The following BCL9 variants were observed in gnomAD, a reference collection of about 807,000 sequenced individuals.
BCL9 encodes B-cell CLL/lymphoma 9 protein.
A neutral mutation model predicts 88.5 loss-of-function variants in BCL9; 25 were observed. The ratio of observed to expected loss-of-function variants is 0.28; its 90% CI spans 0.21 to 0.39. BCL9 has a LOEUF of 0.39. BCL9 is among the 10% of genes least tolerant of loss of function. BCL9 has a pLI of 1.00. For synonymous variants in BCL9, 711 were observed against 673.3 expected, an observed-to-expected ratio of 1.06 and a Z score of -0.87; for missense variants, 1,817 against 1,877.8, an observed-to-expected ratio of 0.97 and a Z score of 0.60.
intron 2 of BCL9, among the ~76,000 whole-genome samples, chr1:147,605,612 C>T (rs1213887818): frequency 6.6e-6 from 1 of 152,210 alleles, no homozygotes; most frequent in Non-Finnish European, 1.5e-5. Context: ...CTAAAATGTA[C>T]ATTAATATTT....
chr1:147,614,526 C>T lies in BCL9; in HGVS notation c.470C>T (p.Ser157Phe). The T allele has an allele frequency of 6.2e-7, 1 of 1,614,102 alleles. No homozygotes were observed. Among genetic ancestry groups the T allele is most frequent in the Non-Finnish European group, 8.5e-7 (1 of 1,180,004 alleles). Residue 157 changes from serine (S) to phenylalanine (F), a missense_variant, in exon 6 of 10, where the codon TCC becomes TTC. Coordinates refer to ENST00000234739, the MANE Select transcript of BCL9 (RefSeq NM_004326.4). ...NATAPRSSTPSHGQTTATEPT... is the reference protein window; with the variant it reads ...NATAPRSSTPFHGQTTATEPT... ...ACAGCCCCCAGGTCTTCTACCCCCT[C>T]CCATGGCCAAACTACTGCCACAGAG... is the stretch of plus-strand genomic sequence containing the variant.
In BCL9 at chr1:147,619,452, C is replaced by G. The variant is rs782462515; in HGVS notation, c.1297C>G (p.Gln433Glu). Reference sequence around the variant, plus strand: ...AGACGTGGGAGCTCCATTTGGCCCTCAAGGACATAGAGATGTACCCTTTTC... The same window carrying G: ...AGACGTGGGAGCTCCATTTGGCCCTGAAGGACATAGAGATGTACCCTTTTC... ...RTDVGAPFGP[Q>E]GHRDVPFSPD... Residue 433 changes from glutamine to glutamate, a missense_variant, in exon 8 of 10, where the codon CAA (glutamine) becomes GAA (glutamate). Gln to Glu is a conservative substitution (Grantham distance 29). This residue lies in a region of BCL9 where 1,228 missense variants were observed against 1,191.6 expected (regional missense o/e 1.03). Transcript: ENST00000234739. The surrounding 1 kb of genome is among the most constrained non-coding windows in gnomAD (Gnocchi z 4.1). 1.2e-6 allele frequency: 2 copies of G among 1,614,150 alleles called. No homozygotes were observed. Among genetic ancestry groups the G allele is most frequent in the South Asian group, 1.1e-5 (1 of 91,078 alleles).
At chr1:147,568,628 G>A (rs1484511910) in intron 1 of BCL9, among the ~76,000 whole-genome samples, 1 of 151,916 alleles carries the variant, frequency 6.6e-6, no homozygotes, top group African/African-American at 2.4e-5. Context: ...TAGGAGAGCT[G>A]ATTCAAGAGG....
chr1:147,623,789 T>A, intron 9 of BCL9, 53 bp from the exon 10 acceptor site: 1 of 1,539,258 alleles, frequency 6.5e-7, no homozygotes, highest in Non-Finnish European at 8.8e-7. Context: ...ATTATAGTTT[T>A]TCTGAGTTGA....
intron 1 of BCL9, among the ~76,000 whole-genome samples, chr1:147,562,951 C>T (rs1206282640): frequency 7.2e-5 from 11 of 152,152 alleles, no homozygotes; most frequent in African/African-American, 2.2e-4. Flanking sequence ...TCTCTTAAAA[C>T]GCTCTCCTTT....
At chr1:147,607,281 C>G (rs1379377056) in intron 3 of BCL9, among the ~76,000 whole-genome samples, 1 of 152,158 alleles carries the variant, frequency 6.6e-6, no homozygotes, top group Non-Finnish European at 1.5e-5. Flanking sequence ...GTAAATAATG[C>G]TGCAGTGAAC....
chr1:147,556,919 G>A (rs1363852234), intron 1 of BCL9, among the ~76,000 whole-genome samples: 4 of 152,108 alleles, frequency 2.6e-5, no homozygotes, highest in Admixed American at 2.6e-4. Context: ...AGCAGTGATG[G>A]GTATACAGTG....
At chr1:147,598,000 A>T (rs1459755148) in intron 1 of BCL9, among the ~76,000 whole-genome samples, 1 of 152,190 alleles carries the variant, frequency 6.6e-6, no homozygotes, top group Non-Finnish European at 1.5e-5. Context: ...AGCAGAGGTG[A>T]TCTGGTCTGG....
intron 1 of BCL9, among the ~76,000 whole-genome samples, chr1:147,561,607 G>T (rs1157271544): frequency 2.6e-5 from 4 of 152,118 alleles, no homozygotes. Flanking sequence ...ATTCTTCAAC[G>T]AATATTTATC....
chr1:147,597,969 G>C (rs1657126117), intron 1 of BCL9, among the ~76,000 whole-genome samples: 1 of 152,192 alleles, frequency 6.6e-6, no homozygotes, highest in African/African-American at 2.4e-5. Flanking sequence ...TTGTTTTAAT[G>C]AGTTTGTTTT....
chr1:147,622,430 C>T lies in BCL9; in HGVS notation c.3062C>T (p.Ser1021Phe), dbSNP rs587741667. 1.9e-6 allele frequency: 3 copies of T among 1,614,166 alleles called. No individual in the cohort carries two copies. Among genetic ancestry groups the T allele is most frequent in the South Asian group, 2.2e-5 (2 of 91,076 alleles). The change falls in exon 9 of 10, where the codon TCC (serine) becomes TTC (phenylalanine). Residue 1021 changes from serine (S) to phenylalanine (F), a missense_variant. Coordinates refer to ENST00000234739, the MANE Select transcript of BCL9 (RefSeq NM_004326.4). ...ATGTCCAAGTTTGCAATGCCCAGTT[C>T]CACCCCGTTATACCATGATGCTATC... is the stretch of plus-strand genomic sequence containing the variant. ...SRMSKFAMPS[S>F]TPLYHDAIKT...
In BCL9 at chr1:147,548,191, G is replaced by A. The variant is rs1445338758; in HGVS notation, c.-478+6517G>A. Among the ~76,000 whole-genome samples the A allele has an allele frequency of 2.0e-5, 3 of 152,228 alleles. No individual in the cohort carries two copies. The East Asian group carries it at 5.8e-4, about 29-fold the overall frequency. ...GGGCTTGTGTAGTTAGTATATGTTT[G>A]AGGAGAGAAATTTTGCTGGGGGTCT... On this transcript the variant is annotated intron_variant, in intron 1 of 9. Coordinates refer to ENST00000234739, the MANE Select transcript of BCL9 (RefSeq NM_004326.4).
chr1:147,559,628 G>C (rs1553195836), intron 1 of BCL9, among the ~76,000 whole-genome samples: 2 of 152,202 alleles, frequency 1.3e-5, no homozygotes, highest in East Asian at 3.9e-4. Flanking sequence ...GAAATGCAGA[G>C]ATGGTATTTT....
intron 1 of BCL9, among the ~76,000 whole-genome samples, chr1:147,587,040 A>C (rs1407760680): frequency 6.5e-5 from 6 of 92,686 alleles, no homozygotes; most frequent in African/African-American, 2.7e-4. Flanking sequence ...CTCTCTCTAT[A>C]TATGTATATA....
chr1:147,596,948 T>TAGCTGGCTG (rs1657083082), intron 1 of BCL9, among the ~76,000 whole-genome samples: 1 of 152,182 alleles, frequency 6.6e-6, no homozygotes, highest in Non-Finnish European at 1.5e-5. Flanking sequence ...ACCCTGATAC[T>TAGCTGGCTG]AGCTGGCTGA....
intron 1 of BCL9, among the ~76,000 whole-genome samples, chr1:147,555,696 C>A (rs1389803040): frequency 2.6e-5 from 4 of 152,184 alleles, no homozygotes; most frequent in African/African-American, 9.7e-5. Flanking sequence ...TGAAGCTTTC[C>A]CAATCATTTT....
At chr1:147,600,808 A>G (rs1187444830) in intron 1 of BCL9, among the ~76,000 whole-genome samples, 1 of 151,792 alleles carries the variant, frequency 6.6e-6, no homozygotes, top group Non-Finnish European at 1.5e-5. Context: ...GGTGGAAGCT[A>G]GGAAGAATGT....
chr1:147,573,138 A>G (rs1570842693), intron 1 of BCL9, among the ~76,000 whole-genome samples: 2 of 152,188 alleles, frequency 1.3e-5, no homozygotes, highest in Non-Finnish European at 2.9e-5. Context: ...AAGACTTAAT[A>G]ATTGATGAAT....
chr1:147,573,863 T>C lies in BCL9; in HGVS notation c.-477-30914T>C, dbSNP rs114404916. On this transcript the variant is annotated intron_variant, in intron 1 of 9. Coordinates refer to ENST00000234739, the MANE Select transcript of BCL9 (RefSeq NM_004326.4). ...AACTAGGTTTCCTAACTCTCAGTCA[T>C]GTGTTTTTTTCCCACTGTCACTGCA... Among the ~76,000 whole-genome samples, 209 of 152,268 alleles carry C rather than the reference T, an allele frequency of 1.4e-3. 1 individual carries two copies. Among genetic ancestry groups the C allele is most frequent in the African/African-American group, 5.0e-3 (206 of 41,546 alleles).
Sources: gnomAD v4.1 joint callset for allele counts (sites outside exome capture counted in the v4.1 genomes callset) on GRCh38, gnomAD v4.1.1 for gene constraint, gnomAD v4.1.1 regional missense constraint, Gnocchi (gnomAD v3.1) non-coding constraint, MANE v1.5 for transcripts, NCBI Gene and HGNC (gene_info 2026-07-23, HGNC 2026-07-21) for gene names.